The following USP24 variants were observed in gnomAD, a reference collection of about 807,000 sequenced individuals.
USP24 encodes ubiquitin carboxyl-terminal hydrolase 24.
Under a neutral mutation model 361.6 loss-of-function variants are expected in USP24, and 97 were observed. That is an observed-to-expected ratio of 0.27 (90% CI 0.23 to 0.32). The LOEUF is 0.32. USP24 is among the 10% of genes least tolerant of loss of function. USP24 has a pLI of 1.00. For synonymous variants in USP24, 1,098 were observed against 1,124.6 expected, an observed-to-expected ratio of 0.98 and a Z score of 0.47; for missense variants, 2,353 against 3,165.6, an observed-to-expected ratio of 0.74 and a Z score of 6.16.
chr1:55,109,432 G>A (rs1188573232), intron 39 of USP24, among the ~76,000 whole-genome samples: 1 of 152,126 alleles, frequency 6.6e-6, no homozygotes, highest in African/African-American at 2.4e-5. Flanking sequence ...AAAGAGATTT[G>A]CTTCTTTTGA....
At chr1:55,092,202 A>T in intron 53 of USP24, 76 bp from the exon 54 acceptor site, 1 of 931,040 alleles carries the variant, frequency 1.1e-6, no homozygotes, top group Non-Finnish European at 1.7e-6. Flanking sequence ...GAACTAAATT[A>T]TGATACACAC....
Position 55,075,358 on chromosome 1 carries a change from T to C in USP24, c.7447+99A>G, listed in dbSNP as rs1308300581. On this transcript the variant is annotated intron_variant, in intron 63 of 67. Transcript: ENST00000294383. ...CAGACTTCTACTGTATCAGTCACTG[T>C]AGATCCCACCGAGAGTAGCAGGAGG... The C allele has an allele frequency of 6.0e-6, 7 of 1,175,196 alleles. No individual in the cohort carries two copies. In the South Asian group the frequency reaches 9.7e-5, roughly 16 times the overall value. 72.8% of individuals were successfully genotyped at this position (1,175,196 alleles called of 1,614,324 possible). A position where few individuals can be genotyped will look rare whatever the true frequency, so the allele number is the denominator to read the frequency against.
At chr1:55,086,944 T>C (rs886757851) in intron 55 of USP24, among the ~76,000 whole-genome samples, 5 of 152,212 alleles carry the variant, frequency 3.3e-5, no homozygotes, top group Admixed American at 6.5e-5. Context: ...AAATGTAAAG[T>C]ATCCTTCATG....
At chr1:55,074,515 T>G (rs929764665) in intron 63 of USP24, among the ~76,000 whole-genome samples, 1 of 152,022 alleles carries the variant, frequency 6.6e-6, no homozygotes, top group African/African-American at 2.4e-5. Context: ...GTGCCCATAA[T>G]CCCACCTACT....
At chr1:55,160,929 A>G (rs574751214) in intron 8 of USP24, among the ~76,000 whole-genome samples, 145 of 152,310 alleles carry the variant, frequency 9.5e-4, no homozygotes, top group African/African-American at 3.3e-3. Flanking sequence ...GAAATTAATG[A>G]TATTTATATG....
chr1:55,127,848 T>C (rs927985207), intron 32 of USP24, among the ~76,000 whole-genome samples: 6 of 152,156 alleles, frequency 3.9e-5, no homozygotes, highest in African/African-American at 1.4e-4. Flanking sequence ...CAATTTACTA[T>C]CACCCCTTTT....
At chr1:55,176,594 C>T (rs1398203347) in intron 2 of USP24, among the ~76,000 whole-genome samples, 151 bp from the exon 3 acceptor site, 1 of 152,142 alleles carries the variant, frequency 6.6e-6, no homozygotes, top group African/African-American at 2.4e-5. Context: ...GGAACTATGT[C>T]ATAGGAACCT....
Position 55,077,387 on chromosome 1 carries a change from A to G in USP24, c.7315-87T>C, listed in dbSNP as rs559542378. The G allele has an allele frequency of 9.4e-5, 118 of 1,253,772 alleles. 2 individuals carry two copies. In the South Asian group the frequency reaches 1.8e-3, roughly 19 times the overall value. The allele number at this position is 1,253,772 out of a possible 1,614,324, so 77.7% of individuals were successfully genotyped here. A position where few individuals can be genotyped will look rare whatever the true frequency, so the allele number is the denominator to read the frequency against. On this transcript the variant is annotated intron_variant, in intron 61 of 67. Coordinates refer to ENST00000294383, the MANE Select transcript of USP24 (RefSeq NM_015306.3). ...AATGCTGGATCCACGTTCTAGCTCT[A>G]TCACCTTCTGGCCGACCCTGGACAA...
At chr1:55,099,605 C>T (rs541039835) in intron 45 of USP24, among the ~76,000 whole-genome samples, 166 bp downstream of exon 45, 125 of 152,182 alleles carry the variant, frequency 8.2e-4, no homozygotes, top group African/African-American at 3.0e-3. Flanking sequence ...TTCTATTGAT[C>T]TGTGTTATGT....
rs754443257 is a variant in USP24 at position 55,092,049 on chromosome 1, A to C, written c.6528T>G (p.Thr2176=). ...LQLAIQFLFQ[T]YLRTKKKLRV... is the part of the protein sequence containing the mutation. ...TGAGTTTCTTCTTTGTCCGTAGATA[A>C]GTTTGAAAAAGGAATTGAATAGCAA... Residue 2176 remains threonine, a synonymous_variant, in exon 54 of 68, where the codon ACT becomes ACG. Coordinates refer to ENST00000294383, the MANE Select transcript of USP24 (RefSeq NM_015306.3). The C allele has an allele frequency of 1.9e-5, 30 of 1,611,526 alleles. No homozygotes were observed. The highest frequency in any genetic ancestry group is 2.0e-5 in the Non-Finnish European group (24 of 1,178,756).
intron 16 of USP24, among the ~76,000 whole-genome samples, chr1:55,150,472 C>T (rs892621159): frequency 1.3e-5 from 2 of 152,220 alleles, no homozygotes; most frequent in Non-Finnish European, 2.9e-5. Context: ...CTTCTGGCTA[C>T]ACTATAAAAG....
In USP24 at chr1:55,176,557, T is replaced by G; in HGVS notation, c.491-114A>C. 3 of 924,152 alleles carry G rather than the reference T, an allele frequency of 3.2e-6. No individual in the cohort carries two copies. In the South Asian group the frequency reaches 5.0e-5, roughly 16 times the overall value. The allele number at this position is 924,152 out of a possible 1,614,324, so 57.2% of individuals were successfully genotyped here. A position where few individuals can be genotyped will look rare whatever the true frequency, so the allele number is the denominator to read the frequency against. On this transcript the variant is annotated intron_variant, in intron 2 of 67. Coordinates refer to ENST00000294383, the MANE Select transcript of USP24 (RefSeq NM_015306.3). ...GGTCTTTGGTAGTTCGTAAAAATCATATACATCATTCTAAATCCATACATA... is the reference window on the plus strand; with the variant it reads ...GGTCTTTGGTAGTTCGTAAAAATCAGATACATCATTCTAAATCCATACATA...
intron 62 of USP24, 61 bp from the exon 63 acceptor site, chr1:55,075,584 G>A: frequency 8.0e-7 from 1 of 1,253,220 alleles, no homozygotes; most frequent in Non-Finnish European, 1.1e-6. Flanking sequence ...AGCCACGGGT[G>A]CTTTCTTTAT....
At chr1:55,202,620 G>T (rs530249720) in intron 1 of USP24, among the ~76,000 whole-genome samples, 2 of 152,280 alleles carry the variant, frequency 1.3e-5, no homozygotes, top group South Asian at 4.1e-4. Flanking sequence ...GGTCAGGCTG[G>T]TCTCAAACTC....
chr1:55,074,360 AT>A, intron 63 of USP24, among the ~76,000 whole-genome samples: 1 of 152,296 alleles, frequency 6.6e-6, no homozygotes, highest in East Asian at 1.9e-4. Context: ...TAGGCCGGGC[AT>A]GGTGGCTCAC....
chr1:55,171,406 A>G (rs1570602927), intron 5 of USP24, 150 bp downstream of exon 5: 1 of 992,736 alleles, frequency 1.0e-6, no homozygotes, highest in Non-Finnish European at 1.4e-6. Context: ...TGTCTGAAAA[A>G]AAATGTAGGC....
intron 10 of USP24, among the ~76,000 whole-genome samples, chr1:55,157,752 T>C (rs556284159): frequency 1.3e-5 from 2 of 151,188 alleles, no homozygotes; most frequent in South Asian, 4.2e-4. Flanking sequence ...GAGAATTGCT[T>C]GAACCTAGGA....
intron 1 of USP24, among the ~76,000 whole-genome samples, chr1:55,185,791 A>C (rs1644114271): frequency 6.6e-6 from 1 of 151,124 alleles, no homozygotes; most frequent in Non-Finnish European, 1.5e-5. Flanking sequence ...CTGTTCTCAC[A>C]CTCTTGGGCT....
At chr1:55,160,403 G>A (rs1648152135) in intron 8 of USP24, among the ~76,000 whole-genome samples, 1 of 152,164 alleles carries the variant, frequency 6.6e-6, no homozygotes, top group African/African-American at 2.4e-5. Flanking sequence ...ATGGTTAAGA[G>A]AGTCATAGTG....
Sources: gnomAD v4.1 joint callset for allele counts (sites outside exome capture counted in the v4.1 genomes callset) on GRCh38, gnomAD v4.1.1 for gene constraint, MANE v1.5 for transcripts, NCBI Gene and HGNC (gene_info 2026-07-23, HGNC 2026-07-21) for gene names.